SYTL2: variants seen among roughly 807,000 people sequenced by gnomAD.
SYTL2 encodes the protein synaptotagmin like 2.
SYTL2 carries 165 observed loss-of-function variants against 198.7 expected under a neutral mutation model. The observed-to-expected ratio is 0.83, with a 90% CI of 0.73 to 0.94. The LOEUF (loss-of-function observed/expected upper bound fraction) is 0.94. Ranked by LOEUF, SYTL2 falls within the 40% of genes least tolerant of loss-of-function variation. The probability of loss-of-function intolerance (pLI) is 0.00; values close to 1 mark genes in which losing one functional copy is unlikely to be tolerated. For synonymous variants in SYTL2, 966 were observed against 917.7 expected, an observed-to-expected ratio of 1.05 and a Z score of -0.95; for missense variants, 2,835 against 2,582.8, an observed-to-expected ratio of 1.10 and a Z score of -2.12.
At chr11:85,841,156 T>G in the SYTL2 span, among the ~76,000 whole-genome samples, 978 of 152,172 alleles carry the variant, frequency 6.4e-3, 12 homozygotes, top group African/African-American at 0.021. Context: ...TGGCTGTTAC[T>G]AAAAAGTCAA....
At chr11:85,754,818 G>C (rs1007077125) in intron 2 of SYTL2, among the ~76,000 whole-genome samples, 10 of 152,150 alleles carry the variant, frequency 6.6e-5, no homozygotes, top group Admixed American at 6.5e-4. Flanking sequence ...CCAAGCAGCA[G>C]AGTTTTTTGT....
the SYTL2 span, among the ~76,000 whole-genome samples, chr11:85,842,684 G>T: frequency 1.3e-5 from 2 of 152,188 alleles, no homozygotes; most frequent in Non-Finnish European, 2.9e-5. Flanking sequence ...ACCTGGGTGG[G>T]CCTGGATCTT....
intron 10 of SYTL2, chr11:85,718,519 C>A: frequency 2.4e-6 from 1 of 412,072 alleles, no homozygotes; most frequent in Non-Finnish European, 4.4e-6. Flanking sequence ...AGCTCACATC[C>A]AAAGAAATAC....
At chr11:85,717,665 T>C (rs1565901607) in intron 10 of SYTL2, 135 bp from the exon 11 acceptor site, 11 of 766,058 alleles carry the variant, frequency 1.4e-5, no homozygotes, top group Non-Finnish European at 1.9e-5. Context: ...CTTGCTTTCA[T>C]CCATTCCTCA....
intron 1 of SYTL2, among the ~76,000 whole-genome samples, chr11:85,784,919 A>C (rs1287710391): frequency 6.6e-6 from 1 of 152,144 alleles, no homozygotes; most frequent in East Asian, 1.9e-4. Context: ...CCTCGGAATC[A>C]CTAGTTACTC....
chr11:85,708,673 G>A (rs2085652022), intron 14 of SYTL2, among the ~76,000 whole-genome samples: 1 of 152,032 alleles, frequency 6.6e-6, no homozygotes, highest in South Asian at 2.1e-4. Context: ...GTGGTGGAAA[G>A]AGATGGGTTC....
rs149364781 is a variant in SYTL2, at chr11:85,723,475, A to G, written c.5326+557T>C. 2.6e-5 allele frequency among the ~76,000 whole-genome samples: 4 copies of G among 152,340 alleles called. No individual in the cohort carries two copies. The East Asian group carries it at 5.8e-4, about 22-fold the overall frequency. ...ATTTTGTCCCTAGCATTTAGCCACC[A>G]CTGTGGTAAGATATTGCTCCCGAAT... On this transcript the variant is annotated intron_variant, in intron 8 of 19. Coordinates refer to ENST00000359152, the MANE Select transcript of SYTL2 (RefSeq NM_206927.4).
At chr11:85,779,833 A>G (rs2092527617) in intron 1 of SYTL2, among the ~76,000 whole-genome samples, 2 of 152,186 alleles carry the variant, frequency 1.3e-5, no homozygotes, top group South Asian at 4.1e-4. Flanking sequence ...GGTACATCTC[A>G]CTGAAGAGAG....
intron 2 of SYTL2, among the ~76,000 whole-genome samples, chr11:85,751,468 G>A (rs1255905212): frequency 6.6e-6 from 1 of 152,094 alleles, no homozygotes; most frequent in Non-Finnish European, 1.5e-5. Flanking sequence ...AGAGAGAAAG[G>A]GGTAAGTTTC....
At chr11:85,789,393 T>A (rs1336455316) in intron 1 of SYTL2, among the ~76,000 whole-genome samples, 1 of 111,996 alleles carries the variant, frequency 8.9e-6, no homozygotes, top group African/African-American at 3.3e-5. Context: ...TATATATATA[T>A]ATATATAATT....
upstream of SYTL2, among the ~76,000 whole-genome samples, chr11:85,815,265 ACTT>A (rs1303944099): frequency 2.6e-5 from 4 of 152,210 alleles, no homozygotes; most frequent in Non-Finnish European, 5.9e-5. Context: ...TGAATTTATA[ACTT>A]CTTAACCACC....
intron 4 of SYTL2, among the ~76,000 whole-genome samples, chr11:85,744,244 T>A (rs631410): frequency 0.59 from 89,497 of 151,988 alleles, 26,810 homozygotes; most frequent in Middle Eastern, 0.66. Flanking sequence ...GAATTCTATA[T>A]TCACTGGCTA....
intron 7 of SYTL2, among the ~76,000 whole-genome samples, chr11:85,728,469 T>C (rs751112112): frequency 2.6e-5 from 4 of 152,026 alleles, no homozygotes; most frequent in African/African-American, 7.3e-5. Context: ...GTATTTTTAG[T>C]AGAGACGGGG....
At chr11:85,729,227 G>A (rs2089556649) in intron 7 of SYTL2, among the ~76,000 whole-genome samples, 1 of 152,088 alleles carries the variant, frequency 6.6e-6, no homozygotes, top group South Asian at 2.1e-4. Context: ...ACTAAGCTCT[G>A]GACCAAGTGG....
intron 11 of SYTL2, chr11:85,714,724 A>G: frequency 8.4e-7 from 1 of 1,186,996 alleles, no homozygotes; most frequent in Non-Finnish European, 1.1e-6. Flanking sequence ...TGAACCAAAT[A>G]CAAAACAAAG....
chr11:85,706,448 A>T (rs550987229), intron 15 of SYTL2, among the ~76,000 whole-genome samples: 1 of 152,234 alleles, frequency 6.6e-6, no homozygotes, highest in Non-Finnish European at 1.5e-5. Flanking sequence ...AAGCAAGATT[A>T]CTGAGGCAGC....
the SYTL2 span, among the ~76,000 whole-genome samples, chr11:85,816,907 C>T: frequency 3.0e-4 from 39 of 128,596 alleles, no homozygotes; most frequent in African/African-American, 9.1e-4. Context: ...CAGAGCAAAA[C>T]CCTGTCTCAA....
At chr11:85,789,792 T>C (rs932900336) in intron 1 of SYTL2, among the ~76,000 whole-genome samples, 7 of 152,102 alleles carry the variant, frequency 4.6e-5, no homozygotes, top group Non-Finnish European at 7.3e-5. Context: ...TGTGGATCTC[T>C]ACATTAAGCT....
At chr11:85,795,930 C>T (rs1158874365) in intron 1 of SYTL2, among the ~76,000 whole-genome samples, 1 of 152,180 alleles carries the variant, frequency 6.6e-6, no homozygotes, top group Non-Finnish European at 1.5e-5. Context: ...ACAGAGCATA[C>T]ACATAAGCCA....
Sources: gnomAD v4.1 joint callset for allele counts (sites outside exome capture counted in the v4.1 genomes callset) on GRCh38, gnomAD v4.1.1 for gene constraint, MANE v1.5 for transcripts, NCBI Gene and HGNC (gene_info 2026-07-23, HGNC 2026-07-21) for gene names.